Variants in INSYN2B observed in about 807,000 individuals in gnomAD.
The protein encoded by INSYN2B is inhibitory synaptic factor family member 2B, also known as protein INSYN2B.
Under a neutral mutation model 41.2 loss-of-function variants are expected in INSYN2B, and 16 were observed. The observed-to-expected ratio is 0.39, with a 90% confidence interval of 0.26 to 0.59. The LOEUF is 0.59. Ranked by LOEUF, INSYN2B falls within the 20% of genes least tolerant of loss-of-function variation. INSYN2B has a pLI of 0.57. For synonymous variants in INSYN2B, 245 were observed against 244.4 expected (o/e 1.00, Z -0.02); for missense variants, 608 against 646.4 (o/e 0.94, Z 0.64).
chr5:169,873,144 GT>G (rs1772093752), intron 3 of INSYN2B, among the ~76,000 whole-genome samples: 2 of 152,100 alleles, frequency 1.3e-5, no homozygotes, highest in African/African-American at 4.8e-5. Flanking sequence ...ATTAAAATAG[GT>G]TTCATTTTTT....
At chr5:169,887,709 T>G (rs1773050541) in intron 1 of INSYN2B, among the ~76,000 whole-genome samples, 1 of 152,246 alleles carries the variant, frequency 6.6e-6, no homozygotes, top group African/African-American at 2.4e-5. Context: ...ATCTTGGAGC[T>G]CTTGTCTAAT....
chr5:169,938,910 C>CTTTT (rs60068204), intron 1 of INSYN2B, among the ~76,000 whole-genome samples: 6 of 141,246 alleles, frequency 4.2e-5, no homozygotes, highest in South Asian at 2.3e-4. Flanking sequence ...TTTTTCTTTT[C>CTTTT]TTTTTTTTTT....
chr5:169,880,321 C>T (rs1319016898), intron 3 of INSYN2B, among the ~76,000 whole-genome samples: 1 of 152,222 alleles, frequency 6.6e-6, no homozygotes, highest in Non-Finnish European at 1.5e-5. Context: ...TTCTGCCTTC[C>T]AGGCATATGG....
chr5:169,978,552 T>C (rs1777821446), intron 1 of INSYN2B, among the ~76,000 whole-genome samples: 1 of 152,120 alleles, frequency 6.6e-6, no homozygotes, highest in South Asian at 2.1e-4. Flanking sequence ...GGAGTGCTAA[T>C]CTCCTGATCA....
chr5:169,961,853 C>T lies in INSYN2B; in HGVS notation c.-919+18424G>A, dbSNP rs148259738. On this transcript the variant is annotated intron_variant, in intron 1 of 3. Transcript: ENST00000377365. ...AATTAGCTGAGTGTGGTGGCAGGCA[C>T]CTGTAATCCCAGCTACTCAGGAGGC... Among the ~76,000 whole-genome samples, 732 of 151,734 alleles carry T rather than the reference C, an allele frequency of 4.8e-3. 7 individuals carry two copies. Among genetic ancestry groups the T allele is most frequent in the African/African-American group, 0.017 (698 of 41,296 alleles).
chr5:169,956,923 A>G (rs937027906), intron 1 of INSYN2B, among the ~76,000 whole-genome samples: 2 of 152,040 alleles, frequency 1.3e-5, no homozygotes, highest in African/African-American at 2.4e-5. Flanking sequence ...CTGTCCCTGG[A>G]GGGCCTGCAG....
intron 1 of INSYN2B, among the ~76,000 whole-genome samples, chr5:169,911,176 C>T (rs1223470706): frequency 1.3e-5 from 2 of 152,068 alleles, no homozygotes; most frequent in Non-Finnish European, 2.9e-5. Flanking sequence ...GGCCCCTAGT[C>T]GGCCAGTTGA....
chr5:169,971,496 C>A (rs1161291637), intron 1 of INSYN2B, among the ~76,000 whole-genome samples: 4 of 150,152 alleles, frequency 2.7e-5, no homozygotes, highest in African/African-American at 4.9e-5. Flanking sequence ...TTTACAGGAG[C>A]TCATTAATGT....
intron 1 of INSYN2B, among the ~76,000 whole-genome samples, chr5:169,977,543 G>A (rs10054166): frequency 0.3 from 45,071 of 152,102 alleles, 7,452 homozygotes; most frequent in Middle Eastern, 0.39. Context: ...AGATGAGGCA[G>A]CTGAGGCACA....
chr5:169,931,190 A>G (rs1431749042), intron 1 of INSYN2B, among the ~76,000 whole-genome samples: 4 of 152,218 alleles, frequency 2.6e-5, no homozygotes, highest in Non-Finnish European at 5.9e-5. Context: ...ACCTTCCTAC[A>G]GAGCCCAGCT....
rs73325925 is a variant in INSYN2B at position 169,892,334 on chromosome 5, A to G, written c.-918-7518T>C. Among the ~76,000 whole-genome samples the G allele has an allele frequency of 8.6e-3, 1,304 of 152,360 alleles. 20 individuals are homozygous for G. The highest frequency in any genetic ancestry group is 0.027 in the African/African-American group (1,139 of 41,574). ...AAGAAGAACAAACTTGCTGGTGTGT[A>G]TCCCCTACACCCGCACAGCTTCTAG... On this transcript the variant is annotated intron_variant, in intron 1 of 3. Coordinates refer to ENST00000377365, the MANE Select transcript of INSYN2B (RefSeq NM_001129891.3).
At chr5:169,897,612 A>T (rs11741998) in intron 1 of INSYN2B, among the ~76,000 whole-genome samples, 1 of 152,046 alleles carries the variant, frequency 6.6e-6, no homozygotes, top group Non-Finnish European at 1.5e-5. Flanking sequence ...AGACAGAACC[A>T]CAGCCCCATG....
chr5:169,883,173 A>C lies in INSYN2B; in HGVS notation c.726T>G (p.Gly242=). The C allele has an allele frequency of 6.4e-7, 1 of 1,551,416 alleles. No individual in the cohort carries two copies. The highest frequency in any genetic ancestry group is 8.7e-7 in the Non-Finnish European group (1 of 1,146,898). Reference sequence around the variant, plus strand: ...CTAGTGGAGTCACCCTTCTCCCATCACCTGGACGTGTGTCATCCAAAGGGT... The same window carrying C: ...CTAGTGGAGTCACCCTTCTCCCATCCCCTGGACGTGTGTCATCCAAAGGGT... ...SIHPLDDTRP[G]DGRRVTPLDS... Residue 242 remains glycine, a synonymous_variant, in exon 2 of 4, where the codon GGT becomes GGG. Coordinates refer to ENST00000377365, the MANE Select transcript of INSYN2B (RefSeq NM_001129891.3).
chr5:169,933,187 G>A (rs1775836519), intron 1 of INSYN2B, among the ~76,000 whole-genome samples: 1 of 152,250 alleles, frequency 6.6e-6, no homozygotes, highest in Non-Finnish European at 1.5e-5. Context: ...CTGAAAGAGA[G>A]AGGAGATGAA....
At chr5:169,940,435 G>T (rs563776800) in intron 1 of INSYN2B, among the ~76,000 whole-genome samples, 1 of 152,326 alleles carries the variant, frequency 6.6e-6, no homozygotes, top group South Asian at 2.1e-4. Flanking sequence ...CACAGACCGG[G>T]AGGAGGATTC....
In INSYN2B at chr5:169,940,526, T is replaced by A. The variant is rs58388354; in HGVS notation, c.-919+39751A>T. 0.011 allele frequency among the ~76,000 whole-genome samples: 1,738 copies of A among 152,320 alleles called. 73 individuals carry two copies. The East Asian group carries it at 0.13, about 12-fold the overall frequency. On this transcript the variant is annotated intron_variant, in intron 1 of 3. Transcript: ENST00000377365. ...TAATGAAATAATTATACAACTCACC[T>A]TAATGTAGAATCAATGGGAACCCTG...
At chr5:169,945,043 A>G (rs1776389947) in intron 1 of INSYN2B, among the ~76,000 whole-genome samples, 2 of 152,222 alleles carry the variant, frequency 1.3e-5, no homozygotes, top group African/African-American at 4.8e-5. Context: ...GTGTCTTCTT[A>G]GCATGACCAG....
intron 1 of INSYN2B, among the ~76,000 whole-genome samples, chr5:169,959,393 A>C (rs987386429): frequency 3.9e-5 from 6 of 152,040 alleles, no homozygotes; most frequent in Admixed American, 2.6e-4. Context: ...AAAGGAACAA[A>C]CTATTCCCAA....
chr5:169,964,199 A>G (rs1171635201), intron 1 of INSYN2B, among the ~76,000 whole-genome samples: 1 of 152,154 alleles, frequency 6.6e-6, no homozygotes, highest in Non-Finnish European at 1.5e-5. Flanking sequence ...ACCCAGGAGA[A>G]TTACATTCTG....
Sources: gnomAD v4.1 joint callset for allele counts (sites outside exome capture counted in the v4.1 genomes callset) on GRCh38, gnomAD v4.1.1 for gene constraint, MANE v1.5 for transcripts, NCBI Gene and HGNC (gene_info 2026-07-23, HGNC 2026-07-21) for gene names.